Variants in MICU3 observed in about 807,000 individuals in gnomAD.
MICU3 encodes the protein calcium uptake protein 3, mitochondrial.
MICU3 carries 62 observed loss-of-function variants against 66.5 expected under a neutral mutation model. The ratio of observed to expected loss-of-function variants is 0.93; its 90% CI spans 0.76 to 1.15. The LOEUF is 1.15. Among genes scored for constraint, MICU3 ranks in the 50% most tolerant of loss-of-function variants. MICU3 has a pLI of 0.00. For synonymous variants in MICU3, 308 were observed against 240.7 expected, an observed-to-expected ratio of 1.28 and a Z score of -2.59; for missense variants, 779 against 664.4, an observed-to-expected ratio of 1.17 and a Z score of -1.90.
At chr8:17,042,540 G>A (rs948406531) in intron 1 of MICU3, among the ~76,000 whole-genome samples, 10 of 152,286 alleles carry the variant, frequency 6.6e-5, no homozygotes, top group African/African-American at 2.2e-4. Context: ...ATTCTCTGAT[G>A]TATTGATATA....
chr8:17,070,702 A>G (rs536398213), intron 3 of MICU3, among the ~76,000 whole-genome samples: 1 of 152,052 alleles, frequency 6.6e-6, no homozygotes, highest in East Asian at 1.9e-4. Context: ...GTTAAAGGGA[A>G]TCCTCCAAAA....
intron 1 of MICU3, among the ~76,000 whole-genome samples, chr8:17,029,425 G>A (rs185541800): frequency 1.2e-4 from 19 of 152,080 alleles, no homozygotes; most frequent in African/African-American, 4.1e-4. Context: ...GCAGTGAGCC[G>A]AAATCACACC....
At chr8:17,130,161 C>A in the MICU3 span, among the ~76,000 whole-genome samples, 1 of 152,194 alleles carries the variant, frequency 6.6e-6, no homozygotes, top group Admixed American at 6.5e-5. Context: ...TTGATACATA[C>A]AAAATAAAGT....
intron 5 of MICU3, among the ~76,000 whole-genome samples, chr8:17,084,418 C>T (rs1821650356): frequency 6.6e-6 from 1 of 152,036 alleles, no homozygotes; most frequent in African/African-American, 2.4e-5. Context: ...GCCTCTTTTG[C>T]AGGTTCAACA....
chr8:17,045,887 G>A (rs989350991), intron 1 of MICU3, among the ~76,000 whole-genome samples: 1 of 152,158 alleles, frequency 6.6e-6, no homozygotes, highest in Non-Finnish European at 1.5e-5. Flanking sequence ...CATGAGAACA[G>A]CATGGGAAAG....
chr8:17,029,140 C>T (rs1345538018), intron 1 of MICU3, among the ~76,000 whole-genome samples: 2 of 152,134 alleles, frequency 1.3e-5, no homozygotes, highest in South Asian at 2.1e-4. Context: ...TGAGTTAACA[C>T]AGTATATTTA....
In MICU3 at chr8:17,027,400, C is replaced by T. The variant is rs1358247719; in HGVS notation, c.121C>T (p.Arg41Trp). 2.1e-6 allele frequency: 3 copies of T among 1,429,846 alleles called. No homozygotes were observed. Among genetic ancestry groups the T allele is most frequent in the South Asian group, 1.6e-5 (1 of 61,914 alleles). The allele number at this position is 1,429,846 out of a possible 1,614,324, so 88.6% of individuals were successfully genotyped here. Residue 41 changes from arginine (R) to tryptophan (W), a missense_variant, in exon 1 of 15, where the codon CGG becomes TGG. Arg to Trp is a moderately radical substitution (Grantham distance 101). Coordinates refer to ENST00000318063, the MANE Select transcript of MICU3 (RefSeq NM_181723.3). ...PAVTTLGLPG[R>W]PFSSREDEER... ...GGTGACCACCCTGGGCCTTCCTGGC[C>T]GGCCCTTCTCCTCCCGAGAGGATGA...
chr8:17,125,929 C>T (rs1259770815), downstream of MICU3, among the ~76,000 whole-genome samples: 1 of 150,646 alleles, frequency 6.6e-6, no homozygotes, highest in Admixed American at 6.7e-5. Context: ...ACTCGGGAGG[C>T]TGAGGCAGGA....
intron 2 of MICU3, among the ~76,000 whole-genome samples, chr8:17,067,646 G>T (rs537859216): frequency 6.6e-6 from 1 of 152,068 alleles, no homozygotes; most frequent in South Asian, 2.1e-4. Flanking sequence ...AACCATATTG[G>T]CCAGGCTGGT....
intron 1 of MICU3, among the ~76,000 whole-genome samples, chr8:17,027,983 C>T (rs1183292642): frequency 1.3e-5 from 2 of 152,104 alleles, no homozygotes; most frequent in Admixed American, 1.3e-4. Context: ...GAAAGTGGAC[C>T]GCTGTAGGTG....
intron 7 of MICU3, among the ~76,000 whole-genome samples, chr8:17,087,417 C>T (rs186668998): frequency 1.1e-3 from 166 of 151,870 alleles, no homozygotes; most frequent in African/African-American, 3.8e-3. Context: ...ACTGTCGAAA[C>T]GAATAGAAGG....
chr8:17,072,313 T>G (rs1819706445), intron 3 of MICU3, among the ~76,000 whole-genome samples: 1 of 152,152 alleles, frequency 6.6e-6, no homozygotes, highest in East Asian at 1.9e-4. Flanking sequence ...TCATAGATGT[T>G]TGAATAATAA....
intron 3 of MICU3, among the ~76,000 whole-genome samples, chr8:17,075,123 G>C (rs1430025918): frequency 6.6e-6 from 1 of 152,146 alleles, no homozygotes; most frequent in African/African-American, 2.4e-5. Context: ...CAGATGAAGA[G>C]AGAGGGCAAG....
chr8:17,073,995 C>T (rs1029499089), intron 3 of MICU3, among the ~76,000 whole-genome samples: 1 of 151,768 alleles, frequency 6.6e-6, no homozygotes, highest in Non-Finnish European at 1.5e-5. Context: ...TGAGAAGATA[C>T]TTGTTTTATT....
intron 1 of MICU3, among the ~76,000 whole-genome samples, chr8:17,051,781 C>T (rs367815623): frequency 6.6e-6 from 1 of 151,984 alleles, no homozygotes; most frequent in Non-Finnish European, 1.5e-5. Flanking sequence ...GAGAGCCTTG[C>T]TGGAGTAAGA....
At chr8:17,028,006 A>T (rs1811322960) in intron 1 of MICU3, among the ~76,000 whole-genome samples, 1 of 151,992 alleles carries the variant, frequency 6.6e-6, no homozygotes. Context: ...GGAAAAAGGA[A>T]CTCCTAGATT....
At chr8:17,043,698 C>A (rs777037891) in intron 1 of MICU3, among the ~76,000 whole-genome samples, 1 of 152,186 alleles carries the variant, frequency 6.6e-6, no homozygotes, top group Non-Finnish European at 1.5e-5. Context: ...TGGTCCAGTA[C>A]TGTGAAGATG....
At chr8:17,037,734 C>A (rs1038543336) in intron 1 of MICU3, among the ~76,000 whole-genome samples, 1 of 152,194 alleles carries the variant, frequency 6.6e-6, no homozygotes, top group African/African-American at 2.4e-5. Context: ...GGAAAAGCCA[C>A]AGACACTCAA....
At chr8:17,034,985 C>G (rs1029108515) in intron 1 of MICU3, among the ~76,000 whole-genome samples, 1 of 152,150 alleles carries the variant, frequency 6.6e-6, no homozygotes, top group African/African-American at 2.4e-5. Context: ...ATGAGAGGGA[C>G]CCAGTGGGAG....
Sources: gnomAD v4.1 joint callset for allele counts (sites outside exome capture counted in the v4.1 genomes callset) on GRCh38, gnomAD v4.1.1 for gene constraint, MANE v1.5 for transcripts, NCBI Gene and HGNC (gene_info 2026-07-23, HGNC 2026-07-21) for gene names.